Variants in ASAP1 observed in about 807,000 individuals in gnomAD.
The protein encoded by ASAP1 is arf-GAP with SH3 domain, ANK repeat and PH domain-containing protein 1.
ASAP1 carries 43 observed loss-of-function variants against 145.2 expected under a neutral mutation model. The ratio of observed to expected loss-of-function variants is 0.30; its 90% confidence interval spans 0.23 to 0.38. ASAP1 has a LOEUF of 0.38. Among genes scored for constraint, ASAP1 ranks in the 10% least tolerant of loss-of-function variants. The pLI is 1.00. For missense variants in ASAP1, 1,018 were observed against 1,355.3 expected, an observed-to-expected ratio of 0.75 and a Z score of 3.91; for synonymous variants, 546 against 515.5, an observed-to-expected ratio of 1.06 and a Z score of -0.80.
intron 3 of ASAP1, among the ~76,000 whole-genome samples, chr8:130,333,127 T>C (rs1586847928): frequency 6.6e-6 from 1 of 152,332 alleles, no homozygotes; most frequent in Non-Finnish European, 1.5e-5. Context: ...ATTACAATTA[T>C]ATATCTACTC....
At chr8:130,363,084 T>C (rs1331081704) in intron 2 of ASAP1, among the ~76,000 whole-genome samples, 1 of 152,206 alleles carries the variant, frequency 6.6e-6, no homozygotes, top group African/African-American at 2.4e-5. Context: ...ATCTATAAAA[T>C]GGGGGCAATG....
chr8:130,135,966 C>G (rs2097593677), intron 14 of ASAP1, among the ~76,000 whole-genome samples: 1 of 152,220 alleles, frequency 6.6e-6, no homozygotes, highest in Admixed American at 6.5e-5. Flanking sequence ...ATTCACACAA[C>G]TGCATCAGAA....
intron 3 of ASAP1, among the ~76,000 whole-genome samples, chr8:130,248,530 G>C (rs1364624248): frequency 1.3e-5 from 2 of 152,118 alleles, no homozygotes; most frequent in African/African-American, 4.8e-5. Flanking sequence ...AAGGAGACTG[G>C]ATTGTATTCT....
chr8:130,366,749 T>A (rs561275013), intron 2 of ASAP1, among the ~76,000 whole-genome samples: 1 of 152,142 alleles, frequency 6.6e-6, no homozygotes, highest in Non-Finnish European at 1.5e-5. Flanking sequence ...AAGCCCTCTC[T>A]CTCAAGGTTG....
At chr8:130,133,626 G>A (rs994304611) in intron 15 of ASAP1, among the ~76,000 whole-genome samples, 7 of 151,536 alleles carry the variant, frequency 4.6e-5, no homozygotes, top group East Asian at 2.0e-4. Context: ...ACTGCAGTCC[G>A]CAGTCCGGCC....
chr8:130,274,837 G>A (rs917418912), intron 3 of ASAP1, among the ~76,000 whole-genome samples: 10 of 152,172 alleles, frequency 6.6e-5, no homozygotes, highest in Admixed American at 5.9e-4. Context: ...GGATTGGATT[G>A]GCTCTTAGCT....
At chr8:130,080,605 G>C (rs1478131697) in intron 25 of ASAP1, among the ~76,000 whole-genome samples, 3 of 151,424 alleles carry the variant, frequency 2.0e-5, no homozygotes, top group East Asian at 1.9e-4. Context: ...ATCCCAAGTA[G>C]CTGGGACTAC....
chr8:130,341,579 T>C (rs1326499766), intron 3 of ASAP1, among the ~76,000 whole-genome samples: 2 of 152,164 alleles, frequency 1.3e-5, no homozygotes, highest in Non-Finnish European at 2.9e-5. Context: ...AAGGATAAAA[T>C]ATGTGTCAAC....
chr8:130,289,217 A>T (rs888567344), intron 3 of ASAP1, among the ~76,000 whole-genome samples: 2 of 152,108 alleles, frequency 1.3e-5, no homozygotes, highest in African/African-American at 4.8e-5. Context: ...CAAAAAAAAA[A>T]ACTATACTTA....
At chr8:130,174,457 G>A (rs1212277705) in intron 9 of ASAP1, among the ~76,000 whole-genome samples, 1 of 152,218 alleles carries the variant, frequency 6.6e-6, no homozygotes, top group Non-Finnish European at 1.5e-5. Context: ...ACCAGTAACA[G>A]TAACAGTAAT....
chr8:130,272,886 G>A (rs955602566), intron 3 of ASAP1, among the ~76,000 whole-genome samples: 2 of 152,130 alleles, frequency 1.3e-5, no homozygotes, highest in African/African-American at 2.4e-5. Flanking sequence ...GCTGGTTAAC[G>A]AGTACAAACA....
intron 3 of ASAP1, among the ~76,000 whole-genome samples, chr8:130,298,363 C>T (rs550777729): frequency 6.6e-6 from 1 of 152,274 alleles, no homozygotes; most frequent in South Asian, 2.1e-4. Context: ...GGTTGAAAAT[C>T]ACTCCTGCCC....
chr8:130,432,079 AG>A (rs1830156357), intron 1 of ASAP1, among the ~76,000 whole-genome samples: 1 of 82,388 alleles, frequency 1.2e-5, no homozygotes, highest in Admixed American at 1.7e-4. Context: ...GAGGAGGGGG[AG>A]GGGGAAGGGG....
chr8:130,389,165 C>A (rs1828160025), intron 2 of ASAP1, among the ~76,000 whole-genome samples: 1 of 152,128 alleles, frequency 6.6e-6, no homozygotes, highest in African/African-American at 2.4e-5. Context: ...ATACTTAGTG[C>A]CAAGTGCTGG....
chr8:130,443,391 G>A (rs567370661), intron 1 of ASAP1, 69 bp downstream of exon 1: 1 of 151,264 alleles, frequency 6.6e-6, no homozygotes, highest in African/African-American at 2.4e-5. Flanking sequence ...AGACTGGGCA[G>A]GGGGCGCCCG....
chr8:130,092,938 T>TAAA (rs35191776), intron 24 of ASAP1, among the ~76,000 whole-genome samples: 254 of 137,316 alleles, frequency 1.8e-3, no homozygotes, highest in Non-Finnish European at 2.9e-3. Context: ...ACGCTTTTCT[T>TAAA]AAAAAAAAAA....
chr8:130,059,168 AT>A (rs146227431), intron 28 of ASAP1, among the ~76,000 whole-genome samples: 4,188 of 144,870 alleles, frequency 0.029, 62 homozygotes, highest in Middle Eastern at 0.046. Context: ...CAACATTTAA[AT>A]TTTTTTTTTT....
intron 12 of ASAP1, among the ~76,000 whole-genome samples, chr8:130,155,356 C>G (rs1234724768): frequency 6.6e-6 from 1 of 152,136 alleles, no homozygotes; most frequent in Non-Finnish European, 1.5e-5. Context: ...CAGTTGAGAG[C>G]AGTATTGCCT....
intron 2 of ASAP1, among the ~76,000 whole-genome samples, chr8:130,400,765 T>C (rs1262323274): frequency 7.6e-6 from 1 of 130,798 alleles, no homozygotes; most frequent in Non-Finnish European, 1.5e-5. Flanking sequence ...CGCTCCAGCC[T>C]GGGCAACAGA....
Sources: gnomAD v4.1 joint callset for allele counts (sites outside exome capture counted in the v4.1 genomes callset) on GRCh38, gnomAD v4.1.1 for gene constraint, MANE v1.5 for transcripts, NCBI Gene and HGNC (gene_info 2026-07-23, HGNC 2026-07-21) for gene names.